RTL9: variants seen among roughly 807,000 people sequenced by gnomAD.
RTL9 encodes retrotransposon Gag like 9, also known as retrotransposon Gag-like protein 9.
A neutral mutation model predicts 44.7 loss-of-function variants in RTL9; 19 were observed. That is an observed-to-expected ratio of 0.42 (90% CI 0.30 to 0.62). The LOEUF is 0.62. Ranked by LOEUF, RTL9 falls within the 20% of genes least tolerant of loss-of-function variation. The pLI, the probability that RTL9 is intolerant of heterozygous loss-of-function variation, is 0.16. For missense variants in RTL9, 1,105 were observed against 1,080.6 expected (o/e 1.02, Z -0.32); for synonymous variants, 407 against 398.9 (o/e 1.02, Z -0.24).
At chrX:110,452,976 G>A in exon 1 of RTL9, 1 of 1,211,613 alleles carries the variant, frequency 8.3e-7, no homozygotes, top group Non-Finnish European at 1.1e-6. Context: ...GCTCACAAGA[G>A]CTTCATCCTC....
At chrX:110,403,693 C>T (rs140663280) in intron 1 of RTL9, among the ~76,000 whole-genome samples, 3,176 of 111,948 alleles carry the variant, frequency 0.028, 59 homozygotes, top group Non-Finnish European at 0.047. Context: ...AGCCTTTGTA[C>T]GTTTATGACA....
At chrX:110,437,297 G>A (rs1295953247) in intron 1 of RTL9, among the ~76,000 whole-genome samples, 1 of 112,237 alleles carries the variant, frequency 8.9e-6, no homozygotes, top group Admixed American at 9.4e-5. Flanking sequence ...TAAGCAGAGA[G>A]CCAGGAGTGT....
chrX:110,372,939 T>C (rs2068349784), intron 1 of RTL9, among the ~76,000 whole-genome samples: 1 of 112,044 alleles, frequency 8.9e-6, no homozygotes. Flanking sequence ...AGTAGAAGGA[T>C]GCTGCCCCAT....
At chrX:110,440,887 A>G (rs148992459) in intron 1 of RTL9, among the ~76,000 whole-genome samples, 1 of 111,888 alleles carries the variant, frequency 8.9e-6, no homozygotes, top group African/African-American at 3.3e-5. Context: ...ATGTCTGTAC[A>G]TTGCTGCCTG....
chrX:110,408,054 G>A (rs915854678), intron 1 of RTL9, among the ~76,000 whole-genome samples: 2 of 112,797 alleles, frequency 1.8e-5, no homozygotes, highest in African/African-American at 3.2e-5. Context: ...AAACTCAACT[G>A]CAGCTGAGTT....
chrX:110,448,855 G>A (rs1333179930), upstream of RTL9, among the ~76,000 whole-genome samples: 1 of 111,458 alleles, frequency 9.0e-6, no homozygotes, highest in South Asian at 3.8e-4. Flanking sequence ...CCTCTTCTCC[G>A]TCACTGGCAA....
At chrX:110,454,477 G>A in exon 1 of RTL9, 3 of 1,211,947 alleles carry the variant, frequency 2.5e-6, no homozygotes, top group Non-Finnish European at 3.3e-6. Context: ...ACCAAAATGG[G>A]TCGGATCTTC....
At chrX:110,402,447 C>T (rs184839150) in intron 1 of RTL9, among the ~76,000 whole-genome samples, 24 of 112,796 alleles carry the variant, frequency 2.1e-4, no homozygotes, top group Non-Finnish European at 2.8e-4. Context: ...GGAGAGGAGA[C>T]GGAAGGGTTC....
At chrX:110,448,728 G>A (rs776242694), upstream of RTL9, among the ~76,000 whole-genome samples, 20 of 109,521 alleles carry the variant, frequency 1.8e-4, no homozygotes, top group East Asian at 5.2e-3. Context: ...GGATAGCAAA[G>A]GGAGATTGCA....
At chrX:110,452,193 C>G in exon 1 of RTL9, 1 of 1,211,661 alleles carries the variant, frequency 8.3e-7, no homozygotes, top group African/African-American at 1.7e-5. Flanking sequence ...AATGTCCATG[C>G]CACAATTGAC....
At chrX:110,373,258 T>G (rs1398718158) in intron 1 of RTL9, among the ~76,000 whole-genome samples, 1 of 111,939 alleles carries the variant, frequency 8.9e-6, no homozygotes, top group African/African-American at 3.3e-5. Context: ...ATGTAGGTCA[T>G]CTTCCTTAGG....
chrX:110,452,352 C>G (rs1190150587), exon 1 of RTL9: 2 of 1,211,968 alleles, frequency 1.7e-6, no homozygotes, highest in Non-Finnish European at 2.2e-6. Flanking sequence ...GTCCACCCCA[C>G]TAATGACAGC....
intron 1 of RTL9, among the ~76,000 whole-genome samples, chrX:110,377,165 G>T (rs1270535936): frequency 1.8e-5 from 2 of 111,800 alleles, no homozygotes; most frequent in Non-Finnish European, 3.8e-5. Flanking sequence ...TCCAATCTTG[G>T]AATCCTGCTA....
upstream of RTL9, among the ~76,000 whole-genome samples, chrX:110,418,092 C>G (rs1290136699): frequency 1.8e-5 from 2 of 112,476 alleles, no homozygotes; most frequent in African/African-American, 6.5e-5. Flanking sequence ...AAGGGATATT[C>G]TGAGCAAAGA....
chrX:110,434,184 A>G (rs1299913465), intron 1 of RTL9, among the ~76,000 whole-genome samples: 2 of 111,841 alleles, frequency 1.8e-5, no homozygotes, highest in Non-Finnish European at 3.8e-5. Context: ...GGGCAGGACA[A>G]TTGTAGCTGG....
chrX:110,366,570 C>T lies in RTL9; in HGVS notation c.-168+7654C>T, dbSNP rs771373375. 1.6e-3 allele frequency among the ~76,000 whole-genome samples: 175 copies of T among 111,668 alleles called. 1 individual carries two copies. The highest frequency in any genetic ancestry group is 5.6e-3 in the African/African-American group (172 of 30,747). On this transcript the variant is annotated intron_variant, in intron 1 of 2. Coordinates refer to the RTL9 transcript ENST00000520821. Reference sequence around the variant, plus strand: ...TGCTAAACTATAGAGTACTGTCCCTCAGCCCCCTAGTGTCTCCATTTTCTT... The same window carrying T: ...TGCTAAACTATAGAGTACTGTCCCTTAGCCCCCTAGTGTCTCCATTTTCTT...
rs756608433 is a variant in RTL9, at chrX:110,394,582, G to T, written c.-168+35666G>T. On this transcript the variant is annotated intron_variant, in intron 1 of 2. Transcript: ENST00000520821. Reference sequence around the variant, plus strand: ...TACAGTAAAATTAGTTTTGTTATTCGTTGTTTCACTTAAAGTCCAGTTCCC... The same window carrying T: ...TACAGTAAAATTAGTTTTGTTATTCTTTGTTTCACTTAAAGTCCAGTTCCC... Among the ~76,000 whole-genome samples the T allele has an allele frequency of 2.7e-5, 3 of 112,576 alleles. No individual in the cohort carries two copies. The East Asian group carries it at 8.3e-4, about 31-fold the overall frequency.
At chrX:110,423,314 G>A (rs1226815999) in intron 1 of RTL9, among the ~76,000 whole-genome samples, 1 of 106,109 alleles carries the variant, frequency 9.4e-6, no homozygotes, top group Non-Finnish European at 1.9e-5. Flanking sequence ...GGCAACAAGA[G>A]TGAAACTCGG....
At chrX:110,430,537 A>G (rs1035212761) in intron 1 of RTL9, among the ~76,000 whole-genome samples, 2 of 112,020 alleles carry the variant, frequency 1.8e-5, no homozygotes, top group Admixed American at 9.4e-5. Flanking sequence ...AGACACATCT[A>G]CTTACCACCT....
Sources: gnomAD v4.1 joint callset for allele counts (sites outside exome capture counted in the v4.1 genomes callset) on GRCh38, gnomAD v4.1.1 for gene constraint, MANE v1.5 for transcripts, NCBI Gene and HGNC (gene_info 2026-07-23, HGNC 2026-07-21) for gene names.